The following ARHGEF26 variants were observed in gnomAD, a reference collection of about 807,000 sequenced individuals.
The protein encoded by ARHGEF26 is Rho guanine nucleotide exchange factor 26.
A neutral mutation model predicts 89.4 loss-of-function variants in ARHGEF26; 59 were observed. The ratio of observed to expected loss-of-function variants is 0.66; its 90% confidence interval spans 0.54 to 0.82. The LOEUF is 0.82. ARHGEF26 is among the 40% of genes least tolerant of loss of function. ARHGEF26 has a pLI of 0.00. For synonymous variants in ARHGEF26, 500 were observed against 428.4 expected (o/e 1.17, Z -2.06); for missense variants, 1,234 against 1,085.6 (o/e 1.14, Z -1.92).
chr3:154,237,208 T>C (rs1717171720), intron 11 of ARHGEF26, among the ~76,000 whole-genome samples: 1 of 152,168 alleles, frequency 6.6e-6, no homozygotes, highest in South Asian at 2.1e-4. Context: ...TATCTACTTC[T>C]GTCTTTATCC....
At chr3:154,134,625 G>T (rs1263119871) in intron 4 of ARHGEF26, among the ~76,000 whole-genome samples, 1 of 152,124 alleles carries the variant, frequency 6.6e-6, no homozygotes, top group African/African-American at 2.4e-5. Context: ...GAATAGGAGT[G>T]GTGAGAGACG....
chr3:154,197,616 C>T (rs190088086), intron 9 of ARHGEF26, among the ~76,000 whole-genome samples: 3 of 152,232 alleles, frequency 2.0e-5, no homozygotes, highest in East Asian at 1.9e-4. Flanking sequence ...TTGCAAGATG[C>T]GAATAATACT....
rs1439172751 is a variant in ARHGEF26, at chr3:154,216,578, C to T, written c.1846-1291C>T. ...CTTTAAGTTTTAGGGTACATGTGCA[C>T]ATTGTGCAGGTTAGTTACATATGTA... On this transcript the variant is annotated intron_variant, in intron 9 of 14. Transcript: ENST00000465093. Among the ~76,000 whole-genome samples, 4 of 138,756 alleles carry T rather than the reference C, an allele frequency of 2.9e-5. No homozygotes were observed. The Admixed American group carries it at 3.0e-4, about 10-fold the overall frequency. 91.0% of individuals were successfully genotyped at this position (138,756 alleles called of 152,430 possible). A position where few individuals can be genotyped will look rare whatever the true frequency, so the allele number is the denominator to read the frequency against.
intron 11 of ARHGEF26, among the ~76,000 whole-genome samples, chr3:154,238,098 T>C (rs1268901538): frequency 6.6e-6 from 1 of 152,240 alleles, no homozygotes; most frequent in Non-Finnish European, 1.5e-5. Context: ...ATGATAAACT[T>C]GTTCTGTGTT....
chr3:154,214,780 C>G (rs1215754008), intron 9 of ARHGEF26, among the ~76,000 whole-genome samples: 1 of 152,140 alleles, frequency 6.6e-6, no homozygotes, highest in East Asian at 1.9e-4. Context: ...CTGATATGCC[C>G]TGTTCCTTTC....
chr3:154,244,740 T>C (rs1717694180), intron 12 of ARHGEF26, among the ~76,000 whole-genome samples: 1 of 151,976 alleles, frequency 6.6e-6, no homozygotes, highest in Admixed American at 6.6e-5. Context: ...GGTCCAACTC[T>C]CTCATTTTCT....
chr3:154,168,895 TA>T (rs1262209263), intron 6 of ARHGEF26, among the ~76,000 whole-genome samples: 1 of 117,718 alleles, frequency 8.5e-6, no homozygotes, highest in East Asian at 2.4e-4. Flanking sequence ...GATACCACTT[TA>T]TTTTGTCCAC....
Position 154,217,800 on chromosome 3 carries a change from GA to G in ARHGEF26, c.1846-68del, listed in dbSNP as rs2108246490. The G allele has an allele frequency of 4.2e-6, 5 of 1,184,132 alleles. No homozygotes were observed. The East Asian group carries it at 1.3e-4, about 30-fold the overall frequency. The allele number at this position is 1,184,132 out of a possible 1,614,324, so 73.4% of individuals were successfully genotyped here. On this transcript the variant is annotated intron_variant, in intron 9 of 14. Coordinates refer to ENST00000465093, the MANE Select transcript of ARHGEF26 (RefSeq NM_015595.4). ...CCCAAGTGGTAATTATTTCCTGTGA[GA>G]GTTCTGCTTTTGAAAGTGAGGTTTC...
intron 5 of ARHGEF26, among the ~76,000 whole-genome samples, chr3:154,150,316 A>G (rs1488921028): frequency 1.3e-5 from 2 of 152,122 alleles, no homozygotes; most frequent in Non-Finnish European, 2.9e-5. Context: ...TAAAACTGAT[A>G]GTGTAGAAGG....
At chr3:154,211,881 G>GTGTGTA (rs1715388080) in intron 9 of ARHGEF26, among the ~76,000 whole-genome samples, 1 of 151,860 alleles carries the variant, frequency 6.6e-6, no homozygotes, top group Admixed American at 6.6e-5. Context: ...GTGTGTGTGT[G>GTGTGTA]TGTGTATTTT....
At chr3:154,186,049 TTAATGAGC>T (rs1039647074) in intron 6 of ARHGEF26, among the ~76,000 whole-genome samples, 1 of 152,058 alleles carries the variant, frequency 6.6e-6, no homozygotes, top group African/African-American at 2.4e-5. Flanking sequence ...TAAATTTTGT[TTAATGAGC>T]TAACCTCTCC....
At chr3:154,160,677 A>G (rs1711601419) in intron 6 of ARHGEF26, among the ~76,000 whole-genome samples, 1 of 152,122 alleles carries the variant, frequency 6.6e-6, no homozygotes, top group Admixed American at 6.6e-5. Flanking sequence ...GCATTGATTG[A>G]TTGATTGATT....
chr3:154,182,077 CACACACACTATATATATAT>C (rs1280304232), intron 6 of ARHGEF26, among the ~76,000 whole-genome samples: 1 of 151,320 alleles, frequency 6.6e-6, no homozygotes, highest in Non-Finnish European at 1.5e-5. Flanking sequence ...TATATATATA[CACACACACTATATATATAT>C]ATAAATATAG....
intron 6 of ARHGEF26, among the ~76,000 whole-genome samples, chr3:154,177,702 G>A (rs1313784386): frequency 1.3e-5 from 2 of 152,096 alleles, no homozygotes; most frequent in Non-Finnish European, 2.9e-5. Flanking sequence ...CTGGGCCCTG[G>A]GCCTCCTGAC....
chr3:154,167,990 G>A (rs1576727929), intron 6 of ARHGEF26, among the ~76,000 whole-genome samples: 1 of 152,234 alleles, frequency 6.6e-6, no homozygotes, highest in East Asian at 1.9e-4. Flanking sequence ...GTGATCATTA[G>A]CTTGATTAAG....
intron 4 of ARHGEF26, among the ~76,000 whole-genome samples, chr3:154,140,133 T>C (rs950082976): frequency 1.3e-5 from 2 of 152,120 alleles, no homozygotes; most frequent in East Asian, 1.9e-4. Flanking sequence ...GCAGACTGAG[T>C]TGCAGGATAG....
chr3:154,222,981 G>A (rs1372992778), intron 10 of ARHGEF26, among the ~76,000 whole-genome samples: 3 of 152,176 alleles, frequency 2.0e-5, no homozygotes, highest in African/African-American at 4.8e-5. Flanking sequence ...CAAGAAGATC[G>A]AAAACCAGAG....
At chr3:154,194,610 T>A in intron 8 of ARHGEF26, 34 bp from the exon 9 acceptor site, 1 of 1,453,276 alleles carries the variant, frequency 6.9e-7, no homozygotes, top group Non-Finnish European at 9.5e-7. Flanking sequence ...ATAAAATAGA[T>A]CAATAAATTT....
Position 154,122,985 on chromosome 3 carries a change from C to T in ARHGEF26, c.993C>T (p.Thr331=). 6.2e-7 allele frequency: 1 copy of T among 1,613,818 alleles called. No individual in the cohort carries two copies. Among genetic ancestry groups the T allele is most frequent in the Non-Finnish European group, 8.5e-7 (1 of 1,179,840 alleles). Residue 331 remains threonine (T), a synonymous_variant, in exon 2 of 15, where the codon ACC becomes ACT. Coordinates refer to ENST00000465093, the MANE Select transcript of ARHGEF26 (RefSeq NM_015595.4). ...VVSGFDFDSP[T]SSKKKNRMSQ... ...GTGGCTTTGATTTTGACAGTCCTAC[C>T]AGCTCGAAGAAGAAGAACAGAATGT... is the stretch of plus-strand genomic sequence containing the variant.
Sources: allele counts gnomAD v4.1 joint callset (sites outside exome capture counted in the v4.1 genomes callset), GRCh38; gene constraint gnomAD v4.1.1; transcripts MANE v1.5; gene names NCBI Gene and HGNC (gene_info 2026-07-23, HGNC 2026-07-21).